The following TBC1D30 variants were observed in gnomAD, a reference collection of about 807,000 sequenced individuals.
TBC1D30 encodes the protein TBC1 domain family, member 30.
TBC1D30 carries 31 observed loss-of-function variants against 63.2 expected under a neutral mutation model. The observed-to-expected ratio is 0.49, with a 90% confidence interval of 0.37 to 0.66. The LOEUF is 0.66. Among genes scored for constraint, TBC1D30 ranks in the 30% least tolerant of loss-of-function variants. The pLI, the probability that TBC1D30 is intolerant of heterozygous loss-of-function variation, is 0.00. For synonymous variants in TBC1D30, 307 were observed against 361.5 expected (o/e 0.85, Z 1.71); for missense variants, 810 against 953.6 (o/e 0.85, Z 1.98).
At chr12:64,829,528 G>T (rs1874656864) in intron 3 of TBC1D30, among the ~76,000 whole-genome samples, 1 of 152,100 alleles carries the variant, frequency 6.6e-6, no homozygotes, top group African/African-American at 2.4e-5. Context: ...AGGGTAGGTG[G>T]TGGAATAAGT....
At chr12:64,859,776 G>A (rs1397136917) in intron 8 of TBC1D30, among the ~76,000 whole-genome samples, 1 of 152,114 alleles carries the variant, frequency 6.6e-6, no homozygotes, top group Non-Finnish European at 1.5e-5. Context: ...AGGTGTTCCT[G>A]CTATTTCACA....
intron 8 of TBC1D30, among the ~76,000 whole-genome samples, chr12:64,862,858 C>G (rs938359574): frequency 6.6e-5 from 10 of 152,242 alleles, no homozygotes; most frequent in African/African-American, 2.4e-4. Flanking sequence ...GCTGTGGGAT[C>G]ACATTTGATA....
At chr12:64,862,917 A>T (rs1399144430) in intron 8 of TBC1D30, among the ~76,000 whole-genome samples, 1 of 152,176 alleles carries the variant, frequency 6.6e-6, no homozygotes, top group Non-Finnish European at 1.5e-5. Flanking sequence ...CCCAGCCCCT[A>T]GAGAAGGTGC....
chr12:64,849,268 T>C (rs1876661289), intron 8 of TBC1D30, among the ~76,000 whole-genome samples: 1 of 152,222 alleles, frequency 6.6e-6, no homozygotes, highest in Non-Finnish European at 1.5e-5. Flanking sequence ...GTGCAGAAGC[T>C]CTTTAGTTTA....
upstream of TBC1D30, chr12:64,779,190 GC>G (rs1313783798): frequency 3.3e-5 from 5 of 152,064 alleles, no homozygotes; most frequent in Non-Finnish European, 7.3e-5. Context: ...GGGCTGGGAA[GC>G]CAATTAAAAA....
chr12:64,815,260 A>G (rs753549067), intron 2 of TBC1D30, among the ~76,000 whole-genome samples: 1 of 152,172 alleles, frequency 6.6e-6, no homozygotes, highest in Non-Finnish European at 1.5e-5. Flanking sequence ...AATTTTACTC[A>G]TGGGAGTTAA....
upstream of TBC1D30, chr12:64,779,325 A>G (rs1592531325): frequency 6.6e-6 from 1 of 152,340 alleles, no homozygotes; most frequent in African/African-American, 2.4e-5. Flanking sequence ...TCAAAAAACA[A>G]AACAGCAATA....
At chr12:64,840,768 T>A (rs73325476) in intron 7 of TBC1D30, among the ~76,000 whole-genome samples, 61 of 152,364 alleles carry the variant, frequency 4.0e-4, no homozygotes, top group African/African-American at 1.4e-3. Context: ...AATCTACTGA[T>A]AATAAATGGC....
intron 1 of TBC1D30, among the ~76,000 whole-genome samples, chr12:64,773,389 G>T (rs142998141): frequency 6.6e-6 from 1 of 152,204 alleles, no homozygotes; most frequent in African/African-American, 2.4e-5. Flanking sequence ...TTGCTATTTG[G>T]GTGACCTAGC....
intron 10 of TBC1D30, chr12:64,868,543 T>C (rs549153673): frequency 1.0e-5 from 3 of 286,158 alleles, no homozygotes; most frequent in East Asian, 1.9e-4. Context: ...TGTTTAGCTT[T>C]TTCATAGATA....
intron 1 of TBC1D30, among the ~76,000 whole-genome samples, chr12:64,770,854 C>T (rs1870882352): frequency 6.6e-6 from 1 of 151,784 alleles, no homozygotes; most frequent in South Asian, 2.1e-4. Flanking sequence ...CAGGCGAATG[C>T]CACCACACCC....
At chr12:64,800,973 A>C (rs186829116) in intron 2 of TBC1D30, among the ~76,000 whole-genome samples, 449 of 152,200 alleles carry the variant, frequency 3.0e-3, no homozygotes, top group African/African-American at 0.01. Flanking sequence ...AGTTTTCTGG[A>C]GGTGAGACGG....
At chr12:64,814,007 G>A (rs1025137791) in intron 2 of TBC1D30, among the ~76,000 whole-genome samples, 2 of 152,216 alleles carry the variant, frequency 1.3e-5, no homozygotes, top group African/African-American at 2.4e-5. Flanking sequence ...TGAATCAGGT[G>A]TGGGAGTGTG....
rs900114807 is a variant in TBC1D30 at position 64,845,376 on chromosome 12, T to A, written c.1038+1891T>A. Among the ~76,000 whole-genome samples, 6 of 152,292 alleles carry A rather than the reference T, an allele frequency of 3.9e-5. No individual in the cohort carries two copies. In the East Asian group the frequency reaches 1.2e-3, roughly 29 times the overall value. On this transcript the variant is annotated intron_variant, in intron 8 of 11. Transcript: ENST00000539867. ...ATTTTTCTGATGATCAGTGATTTTC[T>A]GTCCCCAGGCTGGAGTGCAGTGGCA... is the stretch of plus-strand genomic sequence containing the variant.
At chr12:64,835,257 AG>A (rs1875240144) in intron 5 of TBC1D30, among the ~76,000 whole-genome samples, 1 of 152,168 alleles carries the variant, frequency 6.6e-6, no homozygotes, top group South Asian at 2.1e-4. Context: ...AGCAAAGGAG[AG>A]GGTCCTCCTC....
chr12:64,835,425 C>A lies in TBC1D30; in HGVS notation c.595-1065C>A, dbSNP rs559320281. ...GGGTGGAAATAGAGTTTTATAGTAT[C>A]CTGAGTGTCAAAATGTGAGATAGCT... is the stretch of plus-strand genomic sequence containing the variant. On this transcript the variant is annotated intron_variant, in intron 5 of 11. Coordinates refer to ENST00000539867, the MANE Select transcript of TBC1D30 (RefSeq NM_015279.2). Among the ~76,000 whole-genome samples, 4 of 152,122 alleles carry A rather than the reference C, an allele frequency of 2.6e-5. No homozygotes were observed. The East Asian group carries it at 5.8e-4, about 22-fold the overall frequency.
Position 64,879,858 on chromosome 12 carries a change from A to G in TBC1D30, c.*4070A>G, listed in dbSNP as rs1040664868. ...CTTGAGACTTGGTATCCTGAACTCA[A>G]AGAAATAGCCATTACTAGGTTTTGT... is the stretch of plus-strand genomic sequence containing the variant. On this transcript the variant is annotated 3_prime_UTR_variant, in exon 12 of 12. Transcript: ENST00000539867. 6.6e-6 allele frequency: 1 copy of G among 150,516 alleles called. No individual in the cohort carries two copies. Among genetic ancestry groups the G allele is most frequent in the Middle Eastern group, 3.4e-3 (1 of 294 alleles). The allele number at this position is 150,516 out of a possible 1,614,324, so 9.3% of individuals were successfully genotyped here.
chr12:64,810,198 C>T (rs34895146), intron 2 of TBC1D30, among the ~76,000 whole-genome samples: 3,626 of 152,316 alleles, frequency 0.024, 70 homozygotes, highest in Non-Finnish European at 0.039. Flanking sequence ...GCTCCCACTT[C>T]CAACAGCCCA....
intron 7 of TBC1D30, among the ~76,000 whole-genome samples, chr12:64,841,380 T>C (rs1323430501): frequency 3.3e-5 from 5 of 152,196 alleles, no homozygotes; most frequent in Non-Finnish European, 7.3e-5. Flanking sequence ...CCTGCTGTTT[T>C]GGTTTCCTCC....
Sources: gnomAD v4.1 joint callset for allele counts (sites outside exome capture counted in the v4.1 genomes callset) on GRCh38, gnomAD v4.1.1 for gene constraint, MANE v1.5 for transcripts, NCBI Gene and HGNC (gene_info 2026-07-23, HGNC 2026-07-21) for gene names.